Variants in MANSC1 observed in about 807,000 individuals in gnomAD.
MANSC1 encodes the protein MANSC domain containing 1, also known as MANSC domain-containing protein 1.
MANSC1 carries 13 observed loss-of-function variants against 14.1 expected under a neutral mutation model. The observed-to-expected ratio is 0.92, with a 90% CI of 0.60 to 1.46. MANSC1 has a LOEUF of 1.46. MANSC1 is among the 40% of genes most tolerant of loss of function. MANSC1 has a pLI of 0.00. For synonymous variants in MANSC1, 227 were observed against 200.7 expected, an observed-to-expected ratio of 1.13 and a Z score of -1.11; for missense variants, 486 against 511.4, an observed-to-expected ratio of 0.95 and a Z score of 0.48.
chr12:12,337,141 G>A (rs1281696358), intron 3 of MANSC1, among the ~76,000 whole-genome samples: 2 of 151,706 alleles, frequency 1.3e-5, no homozygotes, highest in East Asian at 3.9e-4. Flanking sequence ...GCTGGGCATG[G>A]TAGTGGGTGC....
intron 3 of MANSC1, 62 bp downstream of exon 3, chr12:12,338,358 T>C (rs964577833): frequency 7.1e-7 from 1 of 1,398,740 alleles, no homozygotes; most frequent in Middle Eastern, 1.9e-4. Context: ...TAGAAAATCT[T>C]TCACATGAAC....
At chr12:12,341,274 G>C (rs1862929113) in intron 2 of MANSC1, among the ~76,000 whole-genome samples, 1 of 152,176 alleles carries the variant, frequency 6.6e-6, no homozygotes, top group Non-Finnish European at 1.5e-5. Flanking sequence ...TATAATAAGG[G>C]ATACAAATGA....
At position 12,328,984 on chromosome 12, in the gene MANSC1, TCACACACACACACACACACACACA is replaced by T. The variant is rs35684053; in HGVS notation, c.*1019_*1042del. ...GCCTGGGTGACAGAGCAAGACTCTG[TCACACACACACACACACACACACA>T]CACACACACACACACACAAGTTAAC... On this transcript the variant is annotated 3_prime_UTR_variant, in exon 4 of 4. Coordinates refer to ENST00000535902, the MANE Select transcript of MANSC1 (RefSeq NM_018050.4). 8 of 131,728 alleles carry T rather than the reference TCACACACACACACACACACACACA, an allele frequency of 6.1e-5. No individual in the cohort carries two copies. The highest frequency in any genetic ancestry group is 1.7e-4 in the African/African-American group (6 of 35,046). The allele number at this position is 131,728 out of a possible 1,614,324, so 8.2% of individuals were successfully genotyped here.
At chr12:12,338,651 A>G in intron 2 of MANSC1, 91 bp from the exon 3 acceptor site, 4 of 1,144,458 alleles carry the variant, frequency 3.5e-6, no homozygotes, top group Non-Finnish European at 5.1e-6. Flanking sequence ...TATGGAGTCC[A>G]ACACAAACAC....
intron 3 of MANSC1, among the ~76,000 whole-genome samples, chr12:12,335,481 C>T (rs192154841): frequency 6.6e-6 from 1 of 151,996 alleles, no homozygotes; most frequent in African/African-American, 2.4e-5. Context: ...GCTGGGATTA[C>T]AGGCACGCAC....
rs1565789689 is a variant in MANSC1, at chr12:12,328,983, G to GACACACAC, written c.*1043_*1044insGTGTGTGT. Reference sequence around the variant, plus strand: ...AGCCTGGGTGACAGAGCAAGACTCTGTCACACACACACACACACACACACA... The same window carrying GACACACAC: ...AGCCTGGGTGACAGAGCAAGACTCTGACACACACTCACACACACACACACACACACACA... On this transcript the variant is annotated 3_prime_UTR_variant, in exon 4 of 4. Transcript: ENST00000535902. 3.5e-4 allele frequency: 15 copies of GACACACAC among 43,464 alleles called. No individual in the cohort carries two copies. Among genetic ancestry groups the GACACACAC allele is most frequent in the Middle Eastern group, 0.014 (1 of 72 alleles). 2.7% of individuals were successfully genotyped at this position (43,464 alleles called of 1,614,324 possible). A position where few individuals can be genotyped will look rare whatever the true frequency, so the allele number is the denominator to read the frequency against.
intron 2 of MANSC1, among the ~76,000 whole-genome samples, chr12:12,340,039 T>C (rs938813958): frequency 1.3e-5 from 2 of 152,134 alleles, no homozygotes; most frequent in Non-Finnish European, 2.9e-5. Context: ...CTTGAACTCT[T>C]GGGCTCAAGC....
At chr12:12,346,782 C>G (rs1353551455) in intron 1 of MANSC1, among the ~76,000 whole-genome samples, 1 of 152,110 alleles carries the variant, frequency 6.6e-6, no homozygotes, top group Non-Finnish European at 1.5e-5. Context: ...TAGAAAATAA[C>G]AGAAGAAAAT....
chr12:12,344,956 T>C (rs1470155712), intron 1 of MANSC1, among the ~76,000 whole-genome samples: 1 of 100,518 alleles, frequency 9.9e-6, no homozygotes, highest in African/African-American at 3.6e-5. Flanking sequence ...TATATATATA[T>C]ATATATATAT....
rs1358385300 is a variant in MANSC1 at position 12,328,108 on chromosome 12, C to T, written c.*1919G>A. The stretch of plus-strand genomic sequence containing the variant: ...GTTTTGCAGATAAGCAAATTGAAGT[C>T]CAGAGGAAAGAGGTATCAAACTGAC... On this transcript the variant is annotated 3_prime_UTR_variant, in exon 4 of 4. Coordinates refer to ENST00000535902, the MANE Select transcript of MANSC1 (RefSeq NM_018050.4). 2 of 152,126 alleles carry T rather than the reference C, an allele frequency of 1.3e-5. No individual in the cohort carries two copies. Among genetic ancestry groups the T allele is most frequent in the Non-Finnish European group, 2.9e-5 (2 of 68,028 alleles). The allele number at this position is 152,126 out of a possible 1,614,324, so 9.4% of individuals were successfully genotyped here. A position where few individuals can be genotyped will look rare whatever the true frequency, so the allele number is the denominator to read the frequency against.
rs138940514 is a variant in MANSC1, at chr12:12,333,217, T to C, written c.365-2259A>G. The stretch of plus-strand genomic sequence containing the variant: ...CCATGCCACCATGCCCAGCTAATTT[T>C]TGTATTTTTTGTAGAGACAGAATTT... On this transcript the variant is annotated intron_variant, in intron 3 of 3. Coordinates refer to ENST00000535902, the MANE Select transcript of MANSC1 (RefSeq NM_018050.4). Among the ~76,000 whole-genome samples, 1,299 of 152,054 alleles carry C rather than the reference T, an allele frequency of 8.5e-3. 18 individuals are homozygous for C. Among genetic ancestry groups the C allele is most frequent in the African/African-American group, 0.029 (1,203 of 41,458 alleles).
intron 3 of MANSC1, among the ~76,000 whole-genome samples, chr12:12,333,608 T>C (rs184818459): frequency 6.2e-4 from 94 of 152,302 alleles, no homozygotes; most frequent in Admixed American, 5.3e-3. Context: ...ATGTTTGCCA[T>C]TGGGGCATGG....
chr12:12,339,950 C>A lies in MANSC1; in HGVS notation c.224-1390G>T, dbSNP rs895138826. 2.0e-5 allele frequency among the ~76,000 whole-genome samples: 3 copies of A among 152,206 alleles called. No homozygotes were observed. In the South Asian group the frequency reaches 6.2e-4, roughly 32 times the overall value. ...ACCTCAGCCTCCCCAGTAGCTGGGA[C>A]TTCAAGCGTGCACCACCATGCCTGG... On this transcript the variant is annotated intron_variant, in intron 2 of 3. Transcript: ENST00000535902.
intron 1 of MANSC1, among the ~76,000 whole-genome samples, chr12:12,349,067 G>A (rs7968375): frequency 0.45 from 68,148 of 152,022 alleles, 15,621 homozygotes; most frequent in East Asian, 0.62. Flanking sequence ...GTGATATAAA[G>A]ATATCGGCAA....
chr12:12,335,339 C>CTTTTTT (rs60014261), intron 3 of MANSC1, among the ~76,000 whole-genome samples: 6 of 147,792 alleles, frequency 4.1e-5, no homozygotes, highest in Admixed American at 6.8e-5. Flanking sequence ...GAGAAATCAC[C>CTTTTTT]TTTTTTTTTT....
intron 1 of MANSC1, among the ~76,000 whole-genome samples, chr12:12,345,983 G>A (rs1479651773): frequency 2.0e-5 from 3 of 152,156 alleles, no homozygotes; most frequent in African/African-American, 7.2e-5. Context: ...TAACATATCA[G>A]TGCTTCCTGG....
chr12:12,347,338 G>T (rs1444046139), intron 1 of MANSC1, among the ~76,000 whole-genome samples: 1 of 152,120 alleles, frequency 6.6e-6, no homozygotes, highest in Non-Finnish European at 1.5e-5. Context: ...TCACAACAGG[G>T]TTCGTGCGCC....
At chr12:12,347,950 C>A (rs2417091) in intron 1 of MANSC1, among the ~76,000 whole-genome samples, 7 of 151,970 alleles carry the variant, frequency 4.6e-5, no homozygotes, top group Non-Finnish European at 1.0e-4. Context: ...GTAATCCCAG[C>A]TACTTGGGAG....
chr12:12,345,778 G>T (rs988853357), intron 1 of MANSC1, among the ~76,000 whole-genome samples: 11 of 152,132 alleles, frequency 7.2e-5, no homozygotes, highest in African/African-American at 2.7e-4. Context: ...GGAAGCTCAG[G>T]ATCTCTTTTG....
Sources: gnomAD v4.1 joint callset for allele counts (sites outside exome capture counted in the v4.1 genomes callset) on GRCh38, gnomAD v4.1.1 for gene constraint, MANE v1.5 for transcripts, NCBI Gene and HGNC (gene_info 2026-07-23, HGNC 2026-07-21) for gene names.